SNTB1: variants seen among roughly 807,000 people sequenced by gnomAD.
The protein encoded by SNTB1 is syntrophin beta 1, also known as beta-1-syntrophin.
A neutral mutation model predicts 48.9 loss-of-function variants in SNTB1; 36 were observed. That is an observed-to-expected ratio of 0.74 (90% CI 0.56 to 0.97). The LOEUF is 0.97. Ranked by LOEUF, SNTB1 falls within the 50% of genes least tolerant of loss-of-function variation. The pLI, the probability that SNTB1 is intolerant of heterozygous loss-of-function variation, is 0.00. For synonymous variants in SNTB1, 299 were observed against 294.6 expected, an observed-to-expected ratio of 1.01 and a Z score of -0.15; for missense variants, 786 against 703.4, an observed-to-expected ratio of 1.12 and a Z score of -1.33.
chr8:120,661,934 A>T (rs1817595795), intron 2 of SNTB1, among the ~76,000 whole-genome samples: 1 of 152,226 alleles, frequency 6.6e-6, no homozygotes, highest in Non-Finnish European at 1.5e-5. Context: ...AGGCAATTTT[A>T]ACTTTTTAAA....
chr8:120,799,787 G>C (rs529819114), intron 1 of SNTB1, among the ~76,000 whole-genome samples: 1 of 151,854 alleles, frequency 6.6e-6, no homozygotes, highest in Non-Finnish European at 1.5e-5. Context: ...CACACTTGGG[G>C]ACCAAAGAAA....
At chr8:120,767,875 C>T (rs1013579221) in intron 1 of SNTB1, among the ~76,000 whole-genome samples, 2 of 152,140 alleles carry the variant, frequency 1.3e-5, no homozygotes, top group African/African-American at 4.8e-5. Context: ...AAGACTAACC[C>T]TCTCTCATTC....
chr8:120,604,582 C>T (rs1223383064), intron 3 of SNTB1, among the ~76,000 whole-genome samples: 1 of 151,752 alleles, frequency 6.6e-6, no homozygotes, highest in Non-Finnish European at 1.5e-5. Context: ...TCTCAGGTAG[C>T]TGGGATTACA....
At chr8:120,776,128 C>A (rs1819732468) in intron 1 of SNTB1, among the ~76,000 whole-genome samples, 2 of 152,158 alleles carry the variant, frequency 1.3e-5, no homozygotes. Flanking sequence ...GCTATAAAGA[C>A]ACATGCACAT....
intron 2 of SNTB1, chr8:120,655,179 TAAAA>T (rs1048114958): frequency 4.0e-6 from 1 of 247,952 alleles, no homozygotes; most frequent in African/African-American, 2.3e-5. Context: ...TTAGAAAACT[TAAAA>T]AAAAGAATAC....
chr8:120,604,137 G>A (rs1419244013), intron 3 of SNTB1, among the ~76,000 whole-genome samples: 1 of 152,228 alleles, frequency 6.6e-6, no homozygotes, highest in African/African-American at 2.4e-5. Flanking sequence ...AGGTCTCATG[G>A]AATGCACAGA....
intron 1 of SNTB1, among the ~76,000 whole-genome samples, chr8:120,769,960 C>A (rs1008049982): frequency 2.0e-5 from 3 of 152,148 alleles, no homozygotes; most frequent in Non-Finnish European, 4.4e-5. Context: ...TGGACAGGGT[C>A]AAGAACAAAA....
At chr8:120,701,177 T>C (rs4871099) in intron 1 of SNTB1, among the ~76,000 whole-genome samples, 50,232 of 151,958 alleles carry the variant, frequency 0.33, 10,919 homozygotes, top group East Asian at 0.67. Context: ...AGAGAGATCA[T>C]CAATATTTTC....
At chr8:120,558,927 C>T (rs1281283957) in intron 4 of SNTB1, among the ~76,000 whole-genome samples, 1 of 152,104 alleles carries the variant, frequency 6.6e-6, no homozygotes, top group Non-Finnish European at 1.5e-5. Flanking sequence ...GCACCTAGAA[C>T]AGTTCTAGGC....
chr8:120,538,678 C>A lies in SNTB1; in HGVS notation c.*199G>T, dbSNP rs1486738421. 7.6e-6 allele frequency: 5 copies of A among 653,812 alleles called. No homozygotes were observed. Among genetic ancestry groups the A allele is most frequent in the Non-Finnish European group, 1.4e-5 (5 of 351,928 alleles). 40.5% of individuals were successfully genotyped at this position (653,812 alleles called of 1,614,324 possible). On this transcript the variant is annotated 3_prime_UTR_variant, in exon 7 of 7. Coordinates refer to ENST00000517992, the MANE Select transcript of SNTB1 (RefSeq NM_021021.4). ...TAGAAAGTTTTACTCTGATATTTCT[C>A]ATGGTACTTTCGCAGGGTATCCCTT...
At chr8:120,679,257 A>C (rs1474273024) in intron 2 of SNTB1, among the ~76,000 whole-genome samples, 1 of 152,218 alleles carries the variant, frequency 6.6e-6, no homozygotes, top group Non-Finnish European at 1.5e-5. Context: ...TACCATTCTA[A>C]AAATTGGCAA....
chr8:120,608,041 G>T (rs981401619), intron 3 of SNTB1, among the ~76,000 whole-genome samples: 1 of 152,148 alleles, frequency 6.6e-6, no homozygotes, highest in Non-Finnish European at 1.5e-5. Context: ...CCAAGAAACC[G>T]CAAGCTTGGT....
chr8:120,763,787 ATT>A (rs58183270), intron 1 of SNTB1, among the ~76,000 whole-genome samples: 2 of 150,556 alleles, frequency 1.3e-5, no homozygotes, highest in South Asian at 2.1e-4. Flanking sequence ...TCAACCTATG[ATT>A]TTTTTTTTGT....
At position 120,542,184 on chromosome 8, in the gene SNTB1, A is replaced by C. The variant is rs1815300025; in HGVS notation, c.1334-184T>G. 5.3e-6 allele frequency: 3 copies of C among 563,576 alleles called. No homozygotes were observed. In the Admixed American group the frequency reaches 9.8e-5, roughly 19 times the overall value. The allele number at this position is 563,576 out of a possible 1,614,324, so 34.9% of individuals were successfully genotyped here. A position where few individuals can be genotyped will look rare whatever the true frequency, so the allele number is the denominator to read the frequency against. ...GATTTATTTTGGTGTTGTAATTTTA[A>C]AAGCCCCATAGAACTAAGGAAAAAT... On this transcript the variant is annotated intron_variant, in intron 5 of 6. Transcript: ENST00000517992.
At chr8:120,791,030 A>G (rs766136698) in intron 1 of SNTB1, among the ~76,000 whole-genome samples, 1 of 151,776 alleles carries the variant, frequency 6.6e-6, no homozygotes, top group Non-Finnish European at 1.5e-5. Context: ...TATATACTAT[A>G]TATAGTTTTG....
At chr8:120,574,238 G>T (rs1815910768) in intron 4 of SNTB1, among the ~76,000 whole-genome samples, 1 of 152,116 alleles carries the variant, frequency 6.6e-6, no homozygotes, top group Non-Finnish European at 1.5e-5. Context: ...TTGGCCAAAG[G>T]GCACGAAATT....
intron 2 of SNTB1, among the ~76,000 whole-genome samples, chr8:120,669,237 C>T (rs1270998620): frequency 2.0e-5 from 3 of 152,146 alleles, no homozygotes; most frequent in Non-Finnish European, 2.9e-5. Context: ...TTTTCTGATC[C>T]TTTGTTCAAG....
chr8:120,739,574 C>A (rs1819009383), intron 1 of SNTB1, among the ~76,000 whole-genome samples: 1 of 152,080 alleles, frequency 6.6e-6, no homozygotes, highest in South Asian at 2.1e-4. Flanking sequence ...AATGAACTGT[C>A]ATTTAATGGT....
rs562500775 is a variant in SNTB1, at chr8:120,733,060, A to G, written c.572-39152T>C. ...CCATGTAACAGACATCACAGGGATG[A>G]TTGATAGAGGAAACTAATTTCATTC... On this transcript the variant is annotated intron_variant, in intron 1 of 6. Coordinates refer to ENST00000517992, the MANE Select transcript of SNTB1 (RefSeq NM_021021.4). 2.6e-5 allele frequency among the ~76,000 whole-genome samples: 4 copies of G among 152,348 alleles called. No individual in the cohort carries two copies. The South Asian group carries it at 6.2e-4, about 24-fold the overall frequency.
Sources: allele counts gnomAD v4.1 joint callset (sites outside exome capture counted in the v4.1 genomes callset), GRCh38; gene constraint gnomAD v4.1.1; transcripts MANE v1.5; gene names NCBI Gene and HGNC (gene_info 2026-07-23, HGNC 2026-07-21).